KRT85: variants seen among roughly 807,000 people sequenced by gnomAD.
The protein encoded by KRT85 is keratin 85.
KRT85 carries 39 observed loss-of-function variants against 53.7 expected under a neutral mutation model. That is an observed-to-expected ratio of 0.73 (90% CI 0.56 to 0.95). The LOEUF (loss-of-function observed/expected upper bound fraction) is 0.95. Ranked by LOEUF, KRT85 falls within the 40% of genes least tolerant of loss-of-function variation. The pLI, the probability that KRT85 is intolerant of heterozygous loss-of-function variation, is 0.00. For missense variants in KRT85, 668 were observed against 686.0 expected (o/e 0.97, Z 0.29); for synonymous variants, 291 against 277.5 (o/e 1.05, Z -0.48).
At chr12:52,363,085 C>T (rs1421179780) in intron 5 of KRT85, 106 bp from the exon 6 acceptor site, 2 of 1,575,200 alleles carry the variant, frequency 1.3e-6, no homozygotes, top group African/African-American at 1.4e-5. Context: ...TGTGCAACCA[C>T]ACATGGCAGT....
At chr12:52,366,011 T>C (rs1939266302) in intron 1 of KRT85, among the ~76,000 whole-genome samples, 1 of 152,108 alleles carries the variant, frequency 6.6e-6, no homozygotes, top group Non-Finnish European at 1.5e-5. Flanking sequence ...CAAACCCTGA[T>C]CCTAGGCCCC....
chr12:52,366,686 CAT>C (rs1428926371), intron 1 of KRT85, among the ~76,000 whole-genome samples: 4 of 147,418 alleles, frequency 2.7e-5, no homozygotes, highest in Admixed American at 6.7e-5. Context: ...TACACACACA[CAT>C]ATACACACCA....
rs531749636 is a variant in KRT85, at chr12:52,360,460, G to C, written c.*393C>G. 1 of 263,856 alleles carries C rather than the reference G, an allele frequency of 3.8e-6. No individual in the cohort carries two copies. The highest frequency in any genetic ancestry group is 1.1e-4 in the East Asian group (1 of 9,502). The allele number at this position is 263,856 out of a possible 1,614,324, so 16.3% of individuals were successfully genotyped here. A position where few individuals can be genotyped will look rare whatever the true frequency, so the allele number is the denominator to read the frequency against. ...GAGGGACTTTCTCCCTGATTCTCGG[G>C]TTGTGGGTGGCCTGGCTGGATGGTT... On this transcript the variant is annotated 3_prime_UTR_variant, in exon 9 of 9. Coordinates refer to ENST00000257901, the MANE Select transcript of KRT85 (RefSeq NM_002283.4).
At chr12:52,362,199 G>A (rs990917116) in intron 7 of KRT85, 52 bp downstream of exon 7, 65 of 1,612,838 alleles carry the variant, frequency 4.0e-5, no homozygotes, top group Admixed American at 2.2e-4. Context: ...ATTCACTCCT[G>A]GAGGACCACA....
chr12:52,363,008 T>C (rs922747077), intron 5 of KRT85, 29 bp from the exon 6 acceptor site: 1 of 1,614,076 alleles, frequency 6.2e-7, no homozygotes, highest in East Asian at 2.2e-5. Flanking sequence ...CTCATGAGGC[T>C]CAGGGTGGGG....
intron 4 of KRT85, 56 bp from the exon 5 acceptor site, chr12:52,363,466 T>C (rs1939225843): frequency 6.2e-7 from 1 of 1,600,284 alleles, no homozygotes; most frequent in African/African-American, 1.3e-5. Context: ...GGCCACGTGA[T>C]CCACCCCAGG....
Position 52,362,327 on chromosome 12 carries a change from C to G in KRT85, c.1222G>C (p.Glu408Gln). 6.2e-7 allele frequency: 1 copy of G among 1,614,204 alleles called. No individual in the cohort carries two copies. The highest frequency in any genetic ancestry group is 1.1e-5 in the South Asian group (1 of 91,088). Residue 408 changes from glutamate to glutamine, a missense_variant, in exon 7 of 9, where the codon GAG becomes CAG. Physicochemically the swap from Glu to Gln is conservative, Grantham distance 29 (BLOSUM62 2). This residue lies in a region of KRT85 where 488 missense variants were observed against 498.1 expected (regional missense o/e 0.98). Transcript: ENST00000257901. Reference sequence around the variant, plus strand: ...AGGCCCAGCTTGGAGTTCATCACCTCCTGGTACTCCTTGAGCAGGCAGGCC... The same window carrying G: ...AGGCCCAGCTTGGAGTTCATCACCTGCTGGTACTCCTTGAGCAGGCAGGCC... ...DMACLLKEYQ[E>Q]VMNSKLGLDI...
At chr12:52,366,952 G>A (rs755549297) in intron 1 of KRT85, 34 bp downstream of exon 1, 1 of 1,613,956 alleles carries the variant, frequency 6.2e-7, no homozygotes, top group South Asian at 1.1e-5. Context: ...GACAGGGCTG[G>A]AGGCTTCTCT....
rs1939180556 is a variant in KRT85 at position 52,360,914 on chromosome 12, G to C, written c.1463C>G (p.Pro488Arg). 2 of 1,612,616 alleles carry C rather than the reference G, an allele frequency of 1.2e-6. No individual in the cohort carries two copies. The highest frequency in any genetic ancestry group is 1.3e-5 in the African/African-American group (1 of 75,000). The change falls in exon 9 of 9, where the codon CCC becomes CGC. Residue 488 changes from proline to arginine, a missense_variant. Physicochemically the swap from Pro to Arg is moderately radical, Grantham distance 103. Coordinates refer to ENST00000257901, the MANE Select transcript of KRT85 (RefSeq NM_002283.4). ...ITVVAPDSCA[P>R]CQPRSSSFSC... ...GAAGCTGGAGGAACGAGGCTGGCAG[G>C]GGGCACAGGAGTCAGGGGCCACCAC...
chr12:52,365,158 C>G lies in KRT85; in HGVS notation c.433G>C (p.Glu145Gln), dbSNP rs759279585. The G allele has an allele frequency of 4.2e-5, 68 of 1,614,090 alleles. 1 individual carries two copies. The Admixed American group carries it at 1.1e-3, about 26-fold the overall frequency. ...AAFIDKVRFL[E>Q]QQNKLLETKW... is the part of the protein sequence containing the mutation. ...GTCTCCAGCAGCTTGTTCTGCTGCTCCAGGAAGCGCACCTGCCATTCAGGT... is the reference window on the plus strand; with the variant it reads ...GTCTCCAGCAGCTTGTTCTGCTGCTGCAGGAAGCGCACCTGCCATTCAGGT... Residue 145 changes from glutamate (E) to glutamine (Q), a missense_variant, in exon 2 of 9, where the codon GAG becomes CAG. By Grantham distance (29) the Glu-to-Gln change is conservative. This residue lies in a region of KRT85 where 488 missense variants were observed against 498.1 expected (regional missense o/e 0.98). Coordinates refer to ENST00000257901, the MANE Select transcript of KRT85 (RefSeq NM_002283.4).
Position 52,363,238 on chromosome 12 carries a change from C to A in KRT85, c.951+8G>T. ...ATGCTTAGCAGGCAGGTGTCCTGTG[C>A]CACTCACCTTGCTACGGTACCAGGA... On this transcript the variant is annotated splice_region_variant and intron_variant, in intron 5 of 8. Coordinates refer to ENST00000257901, the MANE Select transcript of KRT85 (RefSeq NM_002283.4). 1 of 1,614,150 alleles carries A rather than the reference C, an allele frequency of 6.2e-7. No individual in the cohort carries two copies.
Position 52,367,384 on chromosome 12 carries a change from T to C in KRT85, c.22A>G (p.Ile8Val). The C allele has an allele frequency of 6.2e-7, 1 of 1,614,076 alleles. No individual in the cohort carries two copies. Among genetic ancestry groups the C allele is most frequent in the Non-Finnish European group, 8.5e-7 (1 of 1,180,008 alleles). The change falls in exon 1 of 9, where the codon ATC becomes GTC. Residue 8 changes from isoleucine (I) to valine (V), a missense_variant. By Grantham distance (29) the Ile-to-Val change is conservative. Transcript: ENST00000257901. MSCRSYR[I>V]SSGCGVTRNF... ...CTGGTGACCCCGCATCCTGAGCTGATCCTGTAGGAGCGGCACGACATCGTG... is the reference window on the plus strand; with the variant it reads ...CTGGTGACCCCGCATCCTGAGCTGACCCTGTAGGAGCGGCACGACATCGTG...
chr12:52,367,226 GC>G lies in KRT85; in HGVS notation c.179del (p.Gly60AlafsTer7). 1 of 1,613,326 alleles carries G rather than the reference GC, an allele frequency of 6.2e-7. No individual in the cohort carries two copies. Among genetic ancestry groups the G allele is most frequent in the Non-Finnish European group, 8.5e-7 (1 of 1,179,528 alleles). On this transcript the variant is annotated frameshift_variant, in exon 1 of 9. Coordinates refer to ENST00000257901, the MANE Select transcript of KRT85 (RefSeq NM_002283.4). LOFTEE classifies it high-confidence loss of function. The stretch of plus-strand genomic sequence containing the variant: ...CTACAGCTATCCGGGGCCCGCAGGA[GC>G]CCAGGTTGCAGAGGCTGCGGCTGCC... ...GFGSRSLCNL[G>X]SCGPRIAVGG...
At position 52,365,285 on chromosome 12, in the gene KRT85, G is replaced by A. The variant is rs1381066019; in HGVS notation, c.421-115C>T. The A allele has an allele frequency of 2.6e-6, 3 of 1,152,296 alleles. No individual in the cohort carries two copies. The African/African-American group carries it at 4.6e-5, about 18-fold the overall frequency. The allele number at this position is 1,152,296 out of a possible 1,614,324, so 71.4% of individuals were successfully genotyped here. ...AATGGGCTGAGCCATAAAGCTGAGT[G>A]TCTGCGGCTCAAGGGGCCCATTCCC... On this transcript the variant is annotated intron_variant, in intron 1 of 8. Coordinates refer to ENST00000257901, the MANE Select transcript of KRT85 (RefSeq NM_002283.4).
chr12:52,363,443 A>G, intron 4 of KRT85, 33 bp from the exon 5 acceptor site: 1 of 1,613,846 alleles, frequency 6.2e-7, no homozygotes, highest in African/African-American at 1.3e-5. Context: ...ATTTGCTTCT[A>G]GTGCCTGATC....
In KRT85 at chr12:52,364,221, C is replaced by A; in HGVS notation, c.691-58G>T. The stretch of plus-strand genomic sequence containing the variant: ...TGTGAGAGGAGACCAAAGAAAGGTG[C>A]CTTTGGTCAGCATGGTGACCCTGCC... On this transcript the variant is annotated intron_variant, in intron 3 of 8. Coordinates refer to ENST00000257901, the MANE Select transcript of KRT85 (RefSeq NM_002283.4). 3.1e-6 allele frequency: 5 copies of A among 1,610,038 alleles called. No individual in the cohort carries two copies. In the South Asian group the frequency reaches 5.5e-5, roughly 18 times the overall value.
Position 52,362,422 on chromosome 12 carries a change from G to C in KRT85, c.1127C>G (p.Ala376Gly), listed in dbSNP as rs143320259. ...CTTGCAGCGGGCATCGCTGAGGGCC[G>C]CCTCACCCTGCTGCTCTGCCTCAGC... ...AVAEAEQQGE[A>G]ALSDARCKLA... is the part of the protein sequence containing the mutation. Residue 376 changes from alanine to glycine, a missense_variant, in exon 7 of 9, where the codon GCG becomes GGG. Transcript: ENST00000257901. 5.0e-5 allele frequency: 80 copies of C among 1,614,136 alleles called. No individual in the cohort carries two copies. The highest frequency in any genetic ancestry group is 6.5e-5 in the Non-Finnish European group (77 of 1,180,016).
chr12:52,363,182 C>G lies in KRT85; in HGVS notation c.951+64G>C. Reference sequence around the variant, plus strand: ...AATCCCCAGGCAAGAGAAATCTTTTCTAATAGATGCCTAACTTCCCTCCCA... The same window carrying G: ...AATCCCCAGGCAAGAGAAATCTTTTGTAATAGATGCCTAACTTCCCTCCCA... On this transcript the variant is annotated intron_variant, in intron 5 of 8. Transcript: ENST00000257901. 4 of 1,602,912 alleles carry G rather than the reference C, an allele frequency of 2.5e-6. No individual in the cohort carries two copies. In the South Asian group the frequency reaches 4.4e-5, roughly 18 times the overall value.
At chr12:52,361,609 A>T (rs1055108902) in intron 7 of KRT85, 111 bp from the exon 8 acceptor site, 22 of 943,734 alleles carry the variant, frequency 2.3e-5, no homozygotes, top group Non-Finnish European at 1.7e-6. Context: ...TACCCCTGAA[A>T]GGCAAGAAGG....
Sources: gnomAD v4.1 joint callset for allele counts (sites outside exome capture counted in the v4.1 genomes callset) on GRCh38, gnomAD v4.1.1 for gene constraint, gnomAD v4.1.1 regional missense constraint, MANE v1.5 for transcripts, NCBI Gene and HGNC (gene_info 2026-07-23, HGNC 2026-07-21) for gene names.